MDFIC: variants seen among roughly 807,000 people sequenced by gnomAD.
MDFIC encodes the protein myoD family inhibitor domain-containing protein.
A neutral mutation model predicts 23.2 loss-of-function variants in MDFIC; 17 were observed. The ratio of observed to expected loss-of-function variants is 0.73; its 90% confidence interval spans 0.50 to 1.10. MDFIC has a LOEUF of 1.10. MDFIC is among the 50% of genes least tolerant of loss of function. The pLI, the probability that MDFIC is intolerant of heterozygous loss-of-function variation, is 0.00. For synonymous variants in MDFIC, 120 were observed against 115.2 expected (o/e 1.04, Z -0.27); for missense variants, 356 against 316.6 (o/e 1.12, Z -0.95).
At chr7:114,946,870 C>T (rs773667921) in intron 3 of MDFIC, among the ~76,000 whole-genome samples, 1 of 152,160 alleles carries the variant, frequency 6.6e-6, no homozygotes, top group African/African-American at 2.4e-5. Context: ...ATTTCTTTTC[C>T]TAGCCTTTGC....
intron 4 of MDFIC, among the ~76,000 whole-genome samples, chr7:115,013,200 G>A (rs1017389013): frequency 6.6e-6 from 1 of 152,090 alleles, no homozygotes; most frequent in African/African-American, 2.4e-5. Flanking sequence ...ATGTACTGCT[G>A]TGAAAAATAC....
At chr7:114,943,936 C>G (rs1170282749) in intron 3 of MDFIC, among the ~76,000 whole-genome samples, 2 of 151,834 alleles carry the variant, frequency 1.3e-5, no homozygotes, top group African/African-American at 4.8e-5. Flanking sequence ...ACAACAGCAA[C>G]AAAAAAGACA....
intron 4 of MDFIC, among the ~76,000 whole-genome samples, chr7:114,995,488 G>T (rs1403030626): frequency 2.6e-5 from 4 of 152,102 alleles, no homozygotes; most frequent in African/African-American, 7.2e-5. Context: ...ATCTACCTTT[G>T]GTCTTTGATG....
intron 2 of MDFIC, among the ~76,000 whole-genome samples, chr7:114,939,310 T>C (rs1239816450): frequency 6.6e-6 from 1 of 152,182 alleles, no homozygotes; most frequent in African/African-American, 2.4e-5. Context: ...GTGCTGCGGA[T>C]CACAGCAAAA....
chr7:114,954,512 T>C (rs183900634), intron 3 of MDFIC, among the ~76,000 whole-genome samples: 6 of 152,394 alleles, frequency 3.9e-5, no homozygotes, highest in South Asian at 2.1e-4. Context: ...GGATTAATTA[T>C]AGAATAAATA....
intron 4 of MDFIC, among the ~76,000 whole-genome samples, chr7:115,015,363 A>G (rs1395353789): frequency 1.3e-5 from 2 of 152,250 alleles, no homozygotes; most frequent in African/African-American, 4.8e-5. Context: ...AATAGGATAT[A>G]GAAAGATGAG....
At chr7:115,000,035 G>A (rs1791429341) in intron 4 of MDFIC, among the ~76,000 whole-genome samples, 1 of 152,018 alleles carries the variant, frequency 6.6e-6, no homozygotes, top group South Asian at 2.1e-4. Flanking sequence ...TCTTTAAAAA[G>A]AAGCACATAT....
intron 3 of MDFIC, among the ~76,000 whole-genome samples, chr7:114,951,197 G>GAAAAAT (rs561892464): frequency 4.0e-4 from 60 of 151,872 alleles, no homozygotes; most frequent in Non-Finnish European, 8.2e-4. Context: ...AAAAGAAAAA[G>GAAAAAT]AAAAGAAAGA....
At chr7:114,938,921 A>G (rs1481338036) in intron 2 of MDFIC, among the ~76,000 whole-genome samples, 1 of 152,188 alleles carries the variant, frequency 6.6e-6, no homozygotes, top group African/African-American at 2.4e-5. Context: ...GATAATAGAA[A>G]TTGGTTACTA....
At chr7:114,944,173 C>A (rs540461363) in intron 3 of MDFIC, among the ~76,000 whole-genome samples, 1 of 152,190 alleles carries the variant, frequency 6.6e-6, no homozygotes, top group African/African-American at 2.4e-5. Context: ...GACTTTGGAA[C>A]ATTAGGAAAC....
At chr7:114,955,030 T>A (rs1175384065) in intron 3 of MDFIC, among the ~76,000 whole-genome samples, 1 of 152,154 alleles carries the variant, frequency 6.6e-6, no homozygotes, top group Non-Finnish European at 1.5e-5. Flanking sequence ...TTCAGGCTTG[T>A]CCCTTCAGAA....
intron 3 of MDFIC, among the ~76,000 whole-genome samples, chr7:114,964,066 A>AT (rs533564781): frequency 6.0e-4 from 91 of 152,020 alleles, no homozygotes; most frequent in Non-Finnish European, 1.3e-4. Context: ...TTATTGTTCT[A>AT]TTTTTTTATT....
chr7:114,999,828 A>T lies in MDFIC; in HGVS notation c.494-15860A>T, dbSNP rs77832047. On this transcript the variant is annotated intron_variant, in intron 4 of 4. Coordinates refer to ENST00000393486, the MANE Select transcript of MDFIC (RefSeq NM_001166345.3). Reference sequence around the variant, plus strand: ...ACCAAATTAATTTCACTAATTTCTAAACTTTAAATTAAATTTGTTATTTCT... The same window carrying T: ...ACCAAATTAATTTCACTAATTTCTATACTTTAAATTAAATTTGTTATTTCT... 9.7e-3 allele frequency among the ~76,000 whole-genome samples: 1,481 copies of T among 152,230 alleles called. 18 individuals are homozygous for T. The highest frequency in any genetic ancestry group is 0.033 in the African/African-American group (1,351 of 41,552).
chr7:114,993,113 T>C (rs1294692454), intron 4 of MDFIC, among the ~76,000 whole-genome samples: 1 of 152,240 alleles, frequency 6.6e-6, no homozygotes, highest in Non-Finnish European at 1.5e-5. Context: ...TATCCATTTC[T>C]TCTAGATTTT....
intron 3 of MDFIC, among the ~76,000 whole-genome samples, chr7:114,977,848 C>A (rs1793345725): frequency 6.8e-6 from 1 of 147,664 alleles, no homozygotes; most frequent in African/African-American, 2.5e-5. Context: ...TATACTATAC[C>A]CAAATATTAA....
At chr7:114,987,377 A>G (rs1004194862) in intron 4 of MDFIC, among the ~76,000 whole-genome samples, 14 of 152,308 alleles carry the variant, frequency 9.2e-5, no homozygotes, top group Non-Finnish European at 2.1e-4. Flanking sequence ...TGGAAAGATA[A>G]TAATAGGAGC....
chr7:114,947,377 A>G (rs76453982), intron 3 of MDFIC, among the ~76,000 whole-genome samples: 4,973 of 152,304 alleles, frequency 0.033, 105 homozygotes, highest in Non-Finnish European at 0.053. Flanking sequence ...TGTAGTACAC[A>G]TGCTTTGATT....
At chr7:114,958,000 A>G (rs926488401) in intron 3 of MDFIC, among the ~76,000 whole-genome samples, 1 of 152,250 alleles carries the variant, frequency 6.6e-6, no homozygotes, top group Admixed American at 6.5e-5. Flanking sequence ...TTATTAAAAA[A>G]TGAGTCATGG....
chr7:114,966,416 A>AG (rs1309058385), intron 3 of MDFIC, among the ~76,000 whole-genome samples: 1 of 150,516 alleles, frequency 6.6e-6, no homozygotes, highest in Non-Finnish European at 1.5e-5. Flanking sequence ...AAAAAAAAAA[A>AG]AAAAAGGAAA....
Sources: allele counts gnomAD v4.1 joint callset (sites outside exome capture counted in the v4.1 genomes callset), GRCh38; gene constraint gnomAD v4.1.1; transcripts MANE v1.5; gene names NCBI Gene and HGNC (gene_info 2026-07-23, HGNC 2026-07-21).